CEMIP2: variants seen among roughly 807,000 people sequenced by gnomAD.
The protein encoded by CEMIP2 is cell migration inducing hyaluronidase 2.
A neutral mutation model predicts 146.9 loss-of-function variants in CEMIP2; 79 were observed. That is an observed-to-expected ratio of 0.54 (90% CI 0.45 to 0.65). The LOEUF is 0.65. CEMIP2 is among the 30% of genes least tolerant of loss of function. The pLI is 0.00. For missense variants in CEMIP2, 1,596 were observed against 1,696.2 expected, an observed-to-expected ratio of 0.94 and a Z score of 1.04; for synonymous variants, 601 against 606.3, an observed-to-expected ratio of 0.99 and a Z score of 0.13.
At chr9:71,737,242 C>T (rs1177572305) in intron 5 of CEMIP2, among the ~76,000 whole-genome samples, 1 of 149,734 alleles carries the variant, frequency 6.7e-6, no homozygotes, top group African/African-American at 2.5e-5. Flanking sequence ...CACCTGAGGT[C>T]GGCAGTTCAA....
rs780743221 is a variant in CEMIP2, at chr9:71,732,531, T to C, written c.1394-11A>G. On this transcript the variant is annotated splice_polypyrimidine_tract_variant and intron_variant, in intron 6 of 23. Transcript: ENST00000377044. ...GGAACTGAGGGGTTTCTGGTTGATA[T>C]GAGCAAGGAAAAAAAAGAATATTAG... is the stretch of plus-strand genomic sequence containing the variant. 103 of 1,572,276 alleles carry C rather than the reference T, an allele frequency of 6.6e-5. 1 individual carries two copies. In the South Asian group the frequency reaches 1.1e-3, roughly 16 times the overall value.
chr9:71,724,002 A>G (rs888717738), intron 11 of CEMIP2, among the ~76,000 whole-genome samples: 6 of 152,210 alleles, frequency 3.9e-5, no homozygotes, highest in African/African-American at 1.4e-4. Flanking sequence ...CACATTAAAA[A>G]TCAATTAGAA....
chr9:71,728,291 A>ATATATATG (rs1564012610), intron 10 of CEMIP2, among the ~76,000 whole-genome samples: 3 of 17,404 alleles, frequency 1.7e-4, no homozygotes, highest in South Asian at 2.6e-3. Flanking sequence ...GTATATATAT[A>ATATATATG]TATATATATA....
intron 1 of CEMIP2, among the ~76,000 whole-genome samples, chr9:71,759,834 G>A: frequency 6.7e-6 from 1 of 150,334 alleles, no homozygotes; most frequent in Non-Finnish European, 1.5e-5. Context: ...GAGGTGGGGG[G>A]GGGATGGCAG....
chr9:71,710,532 C>T (rs1187136407), intron 16 of CEMIP2, among the ~76,000 whole-genome samples: 1 of 152,194 alleles, frequency 6.6e-6, no homozygotes, highest in Non-Finnish European at 1.5e-5. Context: ...CTTTTATAAG[C>T]TTCAGAGCAT....
chr9:71,755,337 C>A (rs1445880733), intron 1 of CEMIP2, among the ~76,000 whole-genome samples: 1 of 104,216 alleles, frequency 9.6e-6, no homozygotes. Context: ...TAGTGAGACA[C>A]CCTGTCTCTA....
intron 21 of CEMIP2, among the ~76,000 whole-genome samples, chr9:71,693,450 C>G (rs1050702255): frequency 6.6e-6 from 1 of 152,210 alleles, no homozygotes; most frequent in Non-Finnish European, 1.5e-5. Flanking sequence ...ACAACTAACA[C>G]TTTGCATCTT....
chr9:71,709,350 A>G lies in CEMIP2; in HGVS notation c.2894T>C (p.Val965Ala), dbSNP rs1822840675. The change falls in exon 17 of 24, where the codon GTG becomes GCG. Residue 965 changes from valine to alanine, a missense_variant. Coordinates refer to ENST00000377044, the MANE Select transcript of CEMIP2 (RefSeq NM_013390.3). The stretch of plus-strand genomic sequence containing the variant: ...GATCAGGTAGTTGTCCATTCTTCCC[A>G]CATAAGCATCCTTGTATCCTGTCAC... ...GSVTGYKDAY[V>A]GRMDNYLIRH... 1 of 1,614,064 alleles carries G rather than the reference A, an allele frequency of 6.2e-7. No homozygotes were observed. Among genetic ancestry groups the G allele is most frequent in the African/African-American group, 1.3e-5 (1 of 74,928 alleles).
chr9:71,752,481 G>GGGGAGGGAAGGAAGCAAGGAA (rs1554688755), intron 1 of CEMIP2, among the ~76,000 whole-genome samples: 1 of 2,146 alleles, frequency 4.7e-4, no homozygotes, highest in Non-Finnish European at 7.1e-4. Context: ...AGGAAGGAAG[G>GGGGAGGGAAGGAAGCAAGGAA]GGGAGGGAAG....
chr9:71,698,662 A>T (rs1822469554), intron 19 of CEMIP2, among the ~76,000 whole-genome samples: 1 of 152,250 alleles, frequency 6.6e-6, no homozygotes, highest in Admixed American at 6.5e-5. Flanking sequence ...TTCTTTGGCT[A>T]AGGCCAAGAT....
In CEMIP2 at chr9:71,719,842, C is replaced by CAAAAAAAAAAAAAA. The variant is rs34555277; in HGVS notation, c.2268-1777_2268-1764dup. ...GGAGACATACTGTTCTAAACGAAAG[C>CAAAAAAAAAAAAAA]AAAAAAAAAAAAAAAAAAAGAGTAC... On this transcript the variant is annotated intron_variant, in intron 12 of 23. Coordinates refer to ENST00000377044, the MANE Select transcript of CEMIP2 (RefSeq NM_013390.3). Among the ~76,000 whole-genome samples the CAAAAAAAAAAAAAA allele has an allele frequency of 2.1e-3, 193 of 93,182 alleles. 3 individuals are homozygous for CAAAAAAAAAAAAAA. Among genetic ancestry groups the CAAAAAAAAAAAAAA allele is most frequent in the East Asian group, 7.4e-3 (19 of 2,554 alleles). 61.1% of individuals were successfully genotyped at this position (93,182 alleles called of 152,430 possible).
intron 15 of CEMIP2, among the ~76,000 whole-genome samples, chr9:71,712,634 T>A (rs1822940854): frequency 6.6e-6 from 1 of 152,140 alleles, no homozygotes; most frequent in Non-Finnish European, 1.5e-5. Context: ...GGTCTTCGTT[T>A]CCAAATCTCC....
At chr9:71,742,640 G>A (rs1297416859) in intron 4 of CEMIP2, among the ~76,000 whole-genome samples, 5 of 152,210 alleles carry the variant, frequency 3.3e-5, no homozygotes, top group Non-Finnish European at 5.9e-5. Flanking sequence ...AATGGTCACA[G>A]CTAATGATCA....
chr9:71,700,509 T>A (rs1218460018), intron 19 of CEMIP2, 133 bp downstream of exon 19: 32 of 896,514 alleles, frequency 3.6e-5, no homozygotes, highest in Non-Finnish European at 5.2e-5. Flanking sequence ...CCTCTAAACC[T>A]CTAATAGAGA....
chr9:71,751,154 C>T lies in CEMIP2; in HGVS notation c.-12-769G>A, dbSNP rs1248759148. The stretch of plus-strand genomic sequence containing the variant: ...TTAAGCGTACAATTCAATGGCATTA[C>T]GTACATTCACAAAGTTGTGTGACCA... On this transcript the variant is annotated intron_variant, in intron 1 of 23. Coordinates refer to ENST00000377044, the MANE Select transcript of CEMIP2 (RefSeq NM_013390.3). Among the ~76,000 whole-genome samples, 4 of 152,298 alleles carry T rather than the reference C, an allele frequency of 2.6e-5. No homozygotes were observed. The East Asian group carries it at 5.8e-4, about 22-fold the overall frequency.
chr9:71,726,587 T>C (rs776615473), intron 10 of CEMIP2, among the ~76,000 whole-genome samples: 3 of 152,196 alleles, frequency 2.0e-5, no homozygotes, highest in Non-Finnish European at 4.4e-5. Flanking sequence ...AAGATAGAGA[T>C]AATTAAAATA....
At chr9:71,697,789 G>T in intron 20 of CEMIP2, 196 bp downstream of exon 20, 1 of 562,526 alleles carries the variant, frequency 1.8e-6, no homozygotes, top group Non-Finnish European at 3.1e-6. Context: ...TATCACAGGG[G>T]CAAGTATCTC....
rs1822338768 is a variant in CEMIP2 at position 71,694,566 on chromosome 9, C to T, written c.3639G>A (p.Val1213=). ...CTGCTTTATCAGGTGACTGGAATTGCACAGGGAGGTAACTTTTATGAGGAT... is the reference window on the plus strand; with the variant it reads ...CTGCTTTATCAGGTGACTGGAATTGTACAGGGAGGTAACTTTTATGAGGAT... The part of the protein sequence containing the change: ...TSDPHKSYLP[V]QFQSPDKAET... Residue 1213 remains valine (V), a synonymous_variant, in exon 21 of 24, where the codon GTG becomes GTA. Coordinates refer to ENST00000377044, the MANE Select transcript of CEMIP2 (RefSeq NM_013390.3). The T allele has an allele frequency of 1.9e-6, 3 of 1,613,896 alleles. No individual in the cohort carries two copies. The highest frequency in any genetic ancestry group is 2.5e-6 in the Non-Finnish European group (3 of 1,179,870).
At chr9:71,702,439 AG>A (rs942340674) in intron 18 of CEMIP2, among the ~76,000 whole-genome samples, 22 of 151,556 alleles carry the variant, frequency 1.5e-4, no homozygotes, top group African/African-American at 3.1e-4. Flanking sequence ...TCATGGGGTA[AG>A]GGGGGTAGTT....
Sources: allele counts gnomAD v4.1 joint callset (sites outside exome capture counted in the v4.1 genomes callset), GRCh38; gene constraint gnomAD v4.1.1; transcripts MANE v1.5; gene names NCBI Gene and HGNC (gene_info 2026-07-23, HGNC 2026-07-21).